FRY: variants seen among roughly 807,000 people sequenced by gnomAD.
The protein encoded by FRY is protein furry homolog.
FRY carries 128 observed loss-of-function variants against 348.4 expected under a neutral mutation model. The ratio of observed to expected loss-of-function variants is 0.37; its 90% confidence interval spans 0.32 to 0.43. FRY has a LOEUF of 0.43. Among genes scored for constraint, FRY ranks in the 20% least tolerant of loss-of-function variants. The probability of loss-of-function intolerance (pLI) is 1.00; values close to 1 mark genes in which losing one functional copy is unlikely to be tolerated. For missense variants in FRY, 2,736 were observed against 3,695.2 expected, an observed-to-expected ratio of 0.74 and a Z score of 6.73; for synonymous variants, 1,370 against 1,374.7, an observed-to-expected ratio of 1.00 and a Z score of 0.08.
intron 2 of FRY, among the ~76,000 whole-genome samples, chr13:32,085,097 G>A (rs550030536): frequency 2.9e-4 from 44 of 152,282 alleles, no homozygotes; most frequent in African/African-American, 1.0e-3. Flanking sequence ...ATTATGTTCT[G>A]TTCTTTGCAC....
At chr13:32,267,419 G>T in intron 55 of FRY, 60 bp downstream of exon 55, 1 of 1,409,272 alleles carries the variant, frequency 7.1e-7, no homozygotes. Flanking sequence ...GGGTAACTTT[G>T]AATTTAAGGA....
chr13:32,102,164 A>G (rs564140299), intron 3 of FRY, 148 bp downstream of exon 3: 21 of 636,296 alleles, frequency 3.3e-5, no homozygotes, highest in South Asian at 2.5e-4. Flanking sequence ...TGCAGTTTTC[A>G]TGGTTGTGGT....
intron 1 of FRY, among the ~76,000 whole-genome samples, chr13:32,034,622 CT>C: frequency 6.6e-6 from 1 of 152,326 alleles, no homozygotes; most frequent in East Asian, 1.9e-4. Flanking sequence ...GCTGCGGCCC[CT>C]TGTTAATCAT....
intron 4 of FRY, among the ~76,000 whole-genome samples, chr13:32,118,544 A>G (rs934700177): frequency 2.6e-5 from 4 of 152,172 alleles, no homozygotes; most frequent in African/African-American, 9.7e-5. Flanking sequence ...TGTTTGGGAG[A>G]GAGATTAATA....
At chr13:32,229,320 G>A (rs914106611) in intron 40 of FRY, among the ~76,000 whole-genome samples, 2 of 152,164 alleles carry the variant, frequency 1.3e-5, no homozygotes, top group African/African-American at 2.4e-5. Context: ...TGACTGGGTG[G>A]CATGCTCCCC....
At position 32,295,224 on chromosome 13, in the gene FRY, T is replaced by C; in HGVS notation, c.8806T>C (p.Phe2936Leu). 1.2e-6 allele frequency: 2 copies of C among 1,614,010 alleles called. No homozygotes were observed. Among genetic ancestry groups the C allele is most frequent in the East Asian group, 4.5e-5 (2 of 44,886 alleles). The change falls in exon 61 of 61, where the codon TTT (phenylalanine) becomes CTT (leucine). Residue 2936 changes from phenylalanine (F) to leucine (L), a missense_variant. By Grantham distance (22) the Phe-to-Leu change is conservative (BLOSUM62 0). Coordinates refer to ENST00000542859, the MANE Select transcript of FRY (RefSeq NM_023037.3). ...ECRSLWPNDIFGSSSDDEVQT... is the reference protein window; with the variant it reads ...ECRSLWPNDILGSSSDDEVQT... ...CAGAAGTCTGTGGCCCAATGACATC[T>C]TTGGAAGCAGTTCTGATGATGAGGT... is the stretch of plus-strand genomic sequence containing the variant.
chr13:32,040,101 A>T (rs1023999681), intron 1 of FRY, among the ~76,000 whole-genome samples: 1 of 152,224 alleles, frequency 6.6e-6, no homozygotes, highest in South Asian at 2.1e-4. Context: ...TTTAGCCTTA[A>T]ATAGGTAAAT....
rs970000823 is a variant in FRY at position 32,238,652 on chromosome 13, A to G, written c.6419-600A>G. Among the ~76,000 whole-genome samples, 15 of 151,994 alleles carry G rather than the reference A, an allele frequency of 9.9e-5. 1 individual carries two copies. Reference sequence around the variant, plus strand: ...TTTTTAGTAGAGACGGGGTTTCACCATGTCGGCCAGGATGGTCTCGATATC... The same window carrying G: ...TTTTTAGTAGAGACGGGGTTTCACCGTGTCGGCCAGGATGGTCTCGATATC... On this transcript the variant is annotated intron_variant, in intron 44 of 60. Coordinates refer to ENST00000542859, the MANE Select transcript of FRY (RefSeq NM_023037.3).
At chr13:32,144,167 C>T (rs1347038880) in intron 11 of FRY, among the ~76,000 whole-genome samples, 1 of 148,630 alleles carries the variant, frequency 6.7e-6, no homozygotes, top group Admixed American at 6.7e-5. Flanking sequence ...GTAACTAAAA[C>T]ATTTGACAAA....
Position 32,057,863 on chromosome 13 carries a change from G to A in FRY, c.71-20971G>A, listed in dbSNP as rs536793059. On this transcript the variant is annotated intron_variant, in intron 1 of 60. Coordinates refer to ENST00000542859, the MANE Select transcript of FRY (RefSeq NM_023037.3). ...TAGTCCCAGCTACTCGGGAGACTGA[G>A]GCAGGAGAATGGCGTGAACCCGGGA... is the stretch of plus-strand genomic sequence containing the variant. Among the ~76,000 whole-genome samples, 33 of 152,296 alleles carry A rather than the reference G, an allele frequency of 2.2e-4. No homozygotes were observed. In the East Asian group the frequency reaches 4.6e-3, roughly 21 times the overall value.
At chr13:32,254,926 C>T (rs1396411228) in intron 51 of FRY, among the ~76,000 whole-genome samples, 1 of 152,206 alleles carries the variant, frequency 6.6e-6, no homozygotes, top group African/African-American at 2.4e-5. Context: ...CTCTGCTTAG[C>T]TCGGTGGCTG....
At chr13:32,166,973 G>A (rs1040526503) in intron 17 of FRY, among the ~76,000 whole-genome samples, 1 of 152,136 alleles carries the variant, frequency 6.6e-6, no homozygotes, top group Non-Finnish European at 1.5e-5. Context: ...ACCAAGAATA[G>A]CAAGGACTAC....
chr13:32,179,380 AAATT>A (rs1201001560), intron 22 of FRY, among the ~76,000 whole-genome samples: 3 of 152,216 alleles, frequency 2.0e-5, no homozygotes, highest in Non-Finnish European at 2.9e-5. Flanking sequence ...TTGATTAAAT[AAATT>A]ATCTTGTTAA....
chr13:32,138,028 G>A (rs1406430474), intron 11 of FRY, among the ~76,000 whole-genome samples: 1 of 152,102 alleles, frequency 6.6e-6, no homozygotes, highest in East Asian at 1.9e-4. Flanking sequence ...TATAATAGCA[G>A]TGGATAGAAA....
chr13:32,099,205 C>T (rs1213272069), intron 2 of FRY, among the ~76,000 whole-genome samples: 1 of 151,858 alleles, frequency 6.6e-6, no homozygotes, highest in Non-Finnish European at 1.5e-5. Flanking sequence ...TGCATTGTTT[C>T]TAATCCTCAA....
At chr13:32,274,515 T>G (rs574059313) in intron 55 of FRY, among the ~76,000 whole-genome samples, 1 of 151,746 alleles carries the variant, frequency 6.6e-6, no homozygotes, top group African/African-American at 2.4e-5. Context: ...CCATCCTGGC[T>G]AACACAGTGA....
At chr13:32,276,348 T>C in intron 56 of FRY, 116 bp from the exon 57 acceptor site, 1 of 713,792 alleles carries the variant, frequency 1.4e-6, no homozygotes, top group East Asian at 2.6e-5. Context: ...CTTATTAAAA[T>C]GGATGACACT....
chr13:32,137,072 G>T, intron 11 of FRY, 100 bp downstream of exon 11: 1 of 765,078 alleles, frequency 1.3e-6, no homozygotes, highest in South Asian at 1.4e-5. Flanking sequence ...TGTTTGCCAG[G>T]GGAATTGTCC....
intron 31 of FRY, among the ~76,000 whole-genome samples, chr13:32,203,672 G>T (rs1015702589): frequency 1.3e-5 from 2 of 151,988 alleles, no homozygotes; most frequent in Non-Finnish European, 2.9e-5. Context: ...GCAGTGAGCC[G>T]AGATCATGCC....
Sources: allele counts gnomAD v4.1 joint callset (sites outside exome capture counted in the v4.1 genomes callset), GRCh38; gene constraint gnomAD v4.1.1; transcripts MANE v1.5; gene names NCBI Gene and HGNC (gene_info 2026-07-23, HGNC 2026-07-21).